The following MAD2L1 variants were observed in gnomAD, a reference collection of about 807,000 sequenced individuals.
The protein encoded by MAD2L1 is mitotic arrest deficient 2 like 1.
Under a neutral mutation model 25.9 loss-of-function variants are expected in MAD2L1, and 10 were observed. That is an observed-to-expected ratio of 0.39 (90% CI 0.24 to 0.66). MAD2L1 has a LOEUF of 0.66. Among genes scored for constraint, MAD2L1 ranks in the 30% least tolerant of loss-of-function variants. The pLI, the probability that MAD2L1 is intolerant of heterozygous loss-of-function variation, is 0.49. For synonymous variants in MAD2L1, 81 were observed against 91.8 expected, an observed-to-expected ratio of 0.88 and a Z score of 0.67; for missense variants, 180 against 246.4, an observed-to-expected ratio of 0.73 and a Z score of 1.80.
Position 120,065,814 on chromosome 4 carries a change from G to C in MAD2L1, c.78C>G (p.Phe26Leu), listed in dbSNP as rs1361570146. The C allele has an allele frequency of 1.1e-5, 17 of 1,612,100 alleles. No homozygotes were observed. The East Asian group carries it at 2.2e-4, about 21-fold the overall frequency. Residue 26 changes from phenylalanine to leucine, a missense_variant, in exon 2 of 5, where the codon TTC becomes TTG. Physicochemically the swap from Phe to Leu is conservative, Grantham distance 22. Coordinates refer to ENST00000296509, the MANE Select transcript of MAD2L1 (RefSeq NM_002358.4). Reference protein sequence around the residue: ...SAEIVAEFFSFGINSILYQRG... With the variant: ...SAEIVAEFFSLGINSILYQRG... ...GCTGATATAAAATGCTGTTGATGCC[G>C]AATGCTGCAAGCAAAAGAAATGTTA...
Position 120,066,739 on chromosome 4 carries a change from A to T in MAD2L1, c.-5T>A. 1.3e-6 allele frequency: 2 copies of T among 1,593,830 alleles called. No individual in the cohort carries two copies. Among genetic ancestry groups the T allele is most frequent in the Non-Finnish European group, 1.7e-6 (2 of 1,165,242 alleles). ...CCGGGAGAGCTGCAGCGCCATGGCC[A>T]GGGACACAAACAAAAGCACGCGCTT... is the stretch of plus-strand genomic sequence containing the variant. On this transcript the variant is annotated 5_prime_UTR_variant, in exon 1 of 5. Coordinates refer to ENST00000296509, the MANE Select transcript of MAD2L1 (RefSeq NM_002358.4).
At position 120,065,755 on chromosome 4, in the gene MAD2L1, A is replaced by G. The variant is rs1261633071; in HGVS notation, c.137T>C (p.Val46Ala). 1 of 1,613,540 alleles carries G rather than the reference A, an allele frequency of 6.2e-7. No individual in the cohort carries two copies. The change falls in exon 2 of 5, where the codon GTG (valine) becomes GCG (alanine). Residue 46 changes from valine (V) to alanine (A), a missense_variant. Coordinates refer to ENST00000296509, the MANE Select transcript of MAD2L1 (RefSeq NM_002358.4). ...GIYPSETFTR[V>A]QKYGLTLLVT... ...AAGCAAGGTGAGTCCGTATTTCTGCACTCGAGTAAAGGTTTCAGATGGATA... is the reference window on the plus strand; with the variant it reads ...AAGCAAGGTGAGTCCGTATTTCTGCGCTCGAGTAAAGGTTTCAGATGGATA...
intron 2 of MAD2L1, among the ~76,000 whole-genome samples, chr4:120,063,433 A>G (rs1726258747): frequency 6.6e-6 from 1 of 152,220 alleles, no homozygotes; most frequent in African/African-American, 2.4e-5. Flanking sequence ...ATTTTTAAAC[A>G]AACCTGTAAG....
rs1397085035 is a variant in MAD2L1 at position 120,066,740 on chromosome 4, G to A, written c.-6C>T. On this transcript the variant is annotated 5_prime_UTR_variant, in exon 1 of 5. Transcript: ENST00000296509. ...CGGGAGAGCTGCAGCGCCATGGCCAGGGACACAAACAAAAGCACGCGCTTC... is the reference window on the plus strand; with the variant it reads ...CGGGAGAGCTGCAGCGCCATGGCCAAGGACACAAACAAAAGCACGCGCTTC... 1.9e-6 allele frequency: 3 copies of A among 1,593,814 alleles called. No homozygotes were observed. Among genetic ancestry groups the A allele is most frequent in the East Asian group, 2.3e-5 (1 of 44,198 alleles).
rs1039954605 is a variant in MAD2L1 at position 120,057,685 on chromosome 4, C to G, written c.*2433G>C. On this transcript the variant is annotated 3_prime_UTR_variant, in exon 5 of 5. Coordinates refer to ENST00000296509, the MANE Select transcript of MAD2L1 (RefSeq NM_002358.4). ...CCTTCTCTTTAACATGGTGTAGAAACCACTCACAAGTCTTTCAGCTGTTGA... is the reference window on the plus strand; with the variant it reads ...CCTTCTCTTTAACATGGTGTAGAAAGCACTCACAAGTCTTTCAGCTGTTGA... 6.6e-6 allele frequency: 1 copy of G among 152,172 alleles called. No individual in the cohort carries two copies. Among genetic ancestry groups the G allele is most frequent in the South Asian group, 2.1e-4 (1 of 4,828 alleles). The allele number at this position is 152,172 out of a possible 1,614,324, so 9.4% of individuals were successfully genotyped here. A position where few individuals can be genotyped will look rare whatever the true frequency, so the allele number is the denominator to read the frequency against.
At position 120,056,458 on chromosome 4, in the gene MAD2L1, TAA is replaced by T. The variant is rs1240517884; in HGVS notation, c.*3658_*3659del. On this transcript the variant is annotated 3_prime_UTR_variant, in exon 5 of 5. Transcript: ENST00000296509. Reference sequence around the variant, plus strand: ...CATTAGTGACATCTGGTGGAAAATATAAGAGTTACAAAGTAGCATTACATAGC... The same window carrying T: ...CATTAGTGACATCTGGTGGAAAATATGAGTTACAAAGTAGCATTACATAGC... The T allele has an allele frequency of 6.6e-6, 1 of 152,178 alleles. No individual in the cohort carries two copies. Among genetic ancestry groups the T allele is most frequent in the African/African-American group, 2.4e-5 (1 of 41,442 alleles). 9.4% of individuals were successfully genotyped at this position (152,178 alleles called of 1,614,324 possible).
Position 120,058,659 on chromosome 4 carries a change from T to A in MAD2L1, c.*1459A>T, listed in dbSNP as rs1726152119. The A allele has an allele frequency of 7.3e-6, 1 of 137,658 alleles. No individual in the cohort carries two copies. The highest frequency in any genetic ancestry group is 1.6e-5 in the Non-Finnish European group (1 of 61,342). The allele number at this position is 137,658 out of a possible 1,614,324, so 8.5% of individuals were successfully genotyped here. The stretch of plus-strand genomic sequence containing the variant: ...GGAAAAGTGATTTCGCAGAATTTAG[T>A]CTGACTTCTCAAATAGTTAAAATAC... On this transcript the variant is annotated 3_prime_UTR_variant, in exon 5 of 5. Coordinates refer to ENST00000296509, the MANE Select transcript of MAD2L1 (RefSeq NM_002358.4).
intron 4 of MAD2L1, 33 bp from the exon 5 acceptor site, chr4:120,060,323 A>G: frequency 6.6e-7 from 1 of 1,515,542 alleles, no homozygotes; most frequent in Non-Finnish European, 9.0e-7. Context: ...GAAGTATATT[A>G]TTTTCTAAAA....
Position 120,065,669 on chromosome 4 carries a change from T to A in MAD2L1, c.220+3A>T. On this transcript the variant is annotated splice_donor_region_variant and intron_variant, in intron 2 of 4. Transcript: ENST00000296509. Reference sequence around the variant, plus strand: ...CTCAAATTGTTTCCAATGATTAAAATACCTTTCAGTTGTTCCACCACATTA... The same window carrying A: ...CTCAAATTGTTTCCAATGATTAAAAAACCTTTCAGTTGTTCCACCACATTA... 1 of 1,612,974 alleles carries A rather than the reference T, an allele frequency of 6.2e-7. No homozygotes were observed. The highest frequency in any genetic ancestry group is 2.2e-5 in the East Asian group (1 of 44,852).
chr4:120,062,911 G>A (rs1397985947), intron 2 of MAD2L1, among the ~76,000 whole-genome samples: 1 of 152,230 alleles, frequency 6.6e-6, no homozygotes, highest in African/African-American at 2.4e-5. Context: ...TAAACTGGTA[G>A]ATATGGAGCA....
In MAD2L1 at chr4:120,061,952, G is replaced by A. The variant is rs762988094; in HGVS notation, c.341+23C>T. 7.6e-6 allele frequency: 12 copies of A among 1,569,882 alleles called. No individual in the cohort carries two copies. The South Asian group carries it at 1.5e-4, about 19-fold the overall frequency. Reference sequence around the variant, plus strand: ...TTTTGAAAAAAAATATATCAAAGTAGAAATAATGTAATTCCTATTTACCTG... The same window carrying A: ...TTTTGAAAAAAAATATATCAAAGTAAAAATAATGTAATTCCTATTTACCTG... On this transcript the variant is annotated intron_variant, in intron 3 of 4. Coordinates refer to ENST00000296509, the MANE Select transcript of MAD2L1 (RefSeq NM_002358.4).
At chr4:120,066,031 G>A (rs1726309178) in intron 1 of MAD2L1, among the ~76,000 whole-genome samples, 3 of 79,112 alleles carry the variant, frequency 3.8e-5, no homozygotes, top group African/African-American at 3.9e-5. Flanking sequence ...GCTTTCACGT[G>A]GCAAAAAAAA....
In MAD2L1 at chr4:120,057,897, C is replaced by T. The variant is rs944763115; in HGVS notation, c.*2221G>A. 4 of 152,252 alleles carry T rather than the reference C, an allele frequency of 2.6e-5. No homozygotes were observed. Among genetic ancestry groups the T allele is most frequent in the African/African-American group, 9.6e-5 (4 of 41,452 alleles). The allele number at this position is 152,252 out of a possible 1,614,324, so 9.4% of individuals were successfully genotyped here. On this transcript the variant is annotated 3_prime_UTR_variant, in exon 5 of 5. Coordinates refer to ENST00000296509, the MANE Select transcript of MAD2L1 (RefSeq NM_002358.4). The stretch of plus-strand genomic sequence containing the variant: ...TTATTTTTTGAGATGGAGCCTTGCT[C>T]TGTCGCCCAGGCTAGAGTACAGTGG...
In MAD2L1 at chr4:120,057,726, C is replaced by G. The variant is rs1560768936; in HGVS notation, c.*2392G>C. 1 of 152,240 alleles carries G rather than the reference C, an allele frequency of 6.6e-6. No individual in the cohort carries two copies. The highest frequency in any genetic ancestry group is 1.5e-5 in the Non-Finnish European group (1 of 68,080). The allele number at this position is 152,240 out of a possible 1,614,324, so 9.4% of individuals were successfully genotyped here. ...CAGCTGTTGATTTAAACATCATCCT[C>G]CTGAGGTAAGCCTCAAGGTCTAGAA... On this transcript the variant is annotated 3_prime_UTR_variant, in exon 5 of 5. Transcript: ENST00000296509.
intron 1 of MAD2L1, 44 bp from the exon 2 acceptor site, chr4:120,065,862 T>A: frequency 6.3e-7 from 1 of 1,594,666 alleles, no homozygotes; most frequent in Non-Finnish European, 8.6e-7. Context: ...TATCCCTGCA[T>A]AACTCTGGAA....
rs537211443 is a variant in MAD2L1, at chr4:120,061,891, C to A, written c.341+84G>T. Reference sequence around the variant, plus strand: ...AACTATATTTTATATAAAACTAGTTCAATACAATTAGAACTCAATTAGTAA... The same window carrying A: ...AACTATATTTTATATAAAACTAGTTAAATACAATTAGAACTCAATTAGTAA... On this transcript the variant is annotated intron_variant, in intron 3 of 4. Transcript: ENST00000296509. 529 of 1,059,560 alleles carry A rather than the reference C, an allele frequency of 5.0e-4. 1 individual carries two copies. The African/African-American group carries it at 7.4e-3, about 15-fold the overall frequency. 65.6% of individuals were successfully genotyped at this position (1,059,560 alleles called of 1,614,324 possible).
Position 120,065,654 on chromosome 4 carries a change from T to C in MAD2L1, c.220+18A>G. 6.2e-7 allele frequency: 1 copy of C among 1,612,034 alleles called. No individual in the cohort carries two copies. Among genetic ancestry groups the C allele is most frequent in the South Asian group, 1.1e-5 (1 of 90,940 alleles). ...AGAAAATCTGCAAGACTCAAATTGTTTCCAATGATTAAAATACCTTTCAGT... is the reference window on the plus strand; with the variant it reads ...AGAAAATCTGCAAGACTCAAATTGTCTCCAATGATTAAAATACCTTTCAGT... On this transcript the variant is annotated intron_variant, in intron 2 of 4. Transcript: ENST00000296509.
intron 2 of MAD2L1, 126 bp downstream of exon 2, chr4:120,065,546 T>A: frequency 1.3e-6 from 1 of 762,318 alleles, no homozygotes; most frequent in South Asian, 2.2e-5. Flanking sequence ...TTATATATTA[T>A]TTTCTTCCTC....
intron 1 of MAD2L1, 36 bp downstream of exon 1, chr4:120,066,626 G>A: frequency 1.9e-6 from 3 of 1,574,778 alleles, no homozygotes; most frequent in Non-Finnish European, 2.6e-6. Context: ...TCACGACTCC[G>A]TTCCCCCCGA....
Sources: gnomAD v4.1 joint callset for allele counts (sites outside exome capture counted in the v4.1 genomes callset) on GRCh38, gnomAD v4.1.1 for gene constraint, MANE v1.5 for transcripts, NCBI Gene and HGNC (gene_info 2026-07-23, HGNC 2026-07-21) for gene names.